MACROH2A2: variants seen among roughly 807,000 people sequenced by gnomAD.
MACROH2A2 encodes macroH2A.2 histone, also known as core histone macro-H2A.2.
MACROH2A2 carries 6 observed loss-of-function variants against 37.6 expected under a neutral mutation model. That is an observed-to-expected ratio of 0.16 (90% confidence interval 0.09 to 0.32). The LOEUF is 0.32. MACROH2A2 is among the 10% of genes least tolerant of loss of function. The pLI is 1.00. For missense variants in MACROH2A2, 290 were observed against 485.9 expected (o/e 0.60, Z 3.79); for synonymous variants, 192 against 202.7 (o/e 0.95, Z 0.45).
chr10:70,085,665 C>A (rs760690043), intron 2 of MACROH2A2, among the ~76,000 whole-genome samples: 2 of 152,162 alleles, frequency 1.3e-5, no homozygotes, highest in Non-Finnish European at 2.9e-5. Context: ...TAAAGAAATT[C>A]TTTTTACTGC....
At chr10:70,082,035 T>C (rs148780627) in intron 2 of MACROH2A2, among the ~76,000 whole-genome samples, 1,844 of 152,286 alleles carry the variant, frequency 0.012, 21 homozygotes, top group Non-Finnish European at 0.02. Flanking sequence ...CCACTGTGGA[T>C]AACAGTTTGA....
At chr10:70,067,944 T>C (rs957323227) in intron 1 of MACROH2A2, among the ~76,000 whole-genome samples, 1 of 152,150 alleles carries the variant, frequency 6.6e-6, no homozygotes, top group African/African-American at 2.4e-5. Flanking sequence ...AGAGACTGTC[T>C]AAAAATGAAA....
intron 4 of MACROH2A2, among the ~76,000 whole-genome samples, chr10:70,092,379 G>A (rs1286105197): frequency 6.6e-6 from 1 of 152,152 alleles, no homozygotes; most frequent in Non-Finnish European, 1.5e-5. Flanking sequence ...GCTGCAGTGA[G>A]CCATGATGGC....
In MACROH2A2 at chr10:70,111,734, G is replaced by T. The variant is rs765685107; in HGVS notation, c.*51G>T. The T allele has an allele frequency of 6.3e-5, 94 of 1,483,866 alleles. No homozygotes were observed. Among genetic ancestry groups the T allele is most frequent in the Non-Finnish European group, 8.4e-5 (93 of 1,110,092 alleles). 91.9% of individuals were successfully genotyped at this position (1,483,866 alleles called of 1,614,324 possible). ...GAGGACGACCCGAGTCCCAAGAGTG[G>T]GGTTTTGCTTTTTAAAAGGAGAGAG... On this transcript the variant is annotated 3_prime_UTR_variant, in exon 9 of 9. Transcript: ENST00000373255.
intron 2 of MACROH2A2, among the ~76,000 whole-genome samples, chr10:70,089,619 C>T (rs1234844006): frequency 1.3e-5 from 2 of 152,018 alleles, no homozygotes; most frequent in Middle Eastern, 3.2e-3. Context: ...AAGTCCTGTA[C>T]CAAGGAAGAA....
At chr10:70,058,679 G>A (rs1287602284) in intron 1 of MACROH2A2, among the ~76,000 whole-genome samples, 1 of 151,940 alleles carries the variant, frequency 6.6e-6, no homozygotes, top group Non-Finnish European at 1.5e-5. Context: ...TTTGTAACTT[G>A]TATTTTGCGC....
intron 3 of MACROH2A2, among the ~76,000 whole-genome samples, chr10:70,091,399 G>C (rs911444155): frequency 6.6e-6 from 1 of 152,250 alleles, no homozygotes; most frequent in African/African-American, 2.4e-5. Context: ...GTCCAGGCCA[G>C]GCACAGTGGC....
intron 5 of MACROH2A2, among the ~76,000 whole-genome samples, chr10:70,095,096 C>T (rs1589838689): frequency 6.6e-6 from 1 of 152,224 alleles, no homozygotes. Flanking sequence ...GGGCCAGGCG[C>T]GGTGGCTCAC....
At position 70,111,685 on chromosome 10, in the gene MACROH2A2, C is replaced by G; in HGVS notation, c.*2C>G. The G allele has an allele frequency of 6.2e-7, 1 of 1,602,442 alleles. No individual in the cohort carries two copies. The highest frequency in any genetic ancestry group is 8.5e-7 in the Non-Finnish European group (1 of 1,173,250). ...ATGGCCAAGCTCGACGCCAAGTAGC[C>G]GCCGCACTTTCCAGCAGGGATCGGA... On this transcript the variant is annotated 3_prime_UTR_variant, in exon 9 of 9. Transcript: ENST00000373255.
intron 8 of MACROH2A2, among the ~76,000 whole-genome samples, chr10:70,109,479 G>A (rs1238843041): frequency 6.6e-6 from 1 of 152,238 alleles, no homozygotes; most frequent in Non-Finnish European, 1.5e-5. Flanking sequence ...CCCAGGGGAG[G>A]AGCGGGAGGC....
chr10:70,109,848 T>G (rs2072359929), intron 8 of MACROH2A2, among the ~76,000 whole-genome samples: 1 of 152,184 alleles, frequency 6.6e-6, no homozygotes, highest in Non-Finnish European at 1.5e-5. Context: ...TGGGCATTGT[T>G]TCAGATACAT....
intron 1 of MACROH2A2, among the ~76,000 whole-genome samples, chr10:70,057,672 T>C (rs2072025967): frequency 6.6e-6 from 1 of 152,144 alleles, no homozygotes; most frequent in Admixed American, 6.5e-5. Flanking sequence ...GGTTTTGAAA[T>C]AGAGTGGACA....
At chr10:70,103,199 C>T (rs1245049514) in intron 7 of MACROH2A2, among the ~76,000 whole-genome samples, 1 of 152,134 alleles carries the variant, frequency 6.6e-6, no homozygotes, top group African/African-American at 2.4e-5. Context: ...ATGTTTGGCT[C>T]TACCACATCC....
chr10:70,077,731 T>C (rs1336076374), intron 2 of MACROH2A2, among the ~76,000 whole-genome samples: 1 of 151,948 alleles, frequency 6.6e-6, no homozygotes. Context: ...AATACAAAAA[T>C]AAAAATAAAA....
intron 1 of MACROH2A2, among the ~76,000 whole-genome samples, chr10:70,072,648 G>T (rs2072117162): frequency 6.6e-6 from 1 of 152,130 alleles, no homozygotes; most frequent in African/African-American, 2.4e-5. Flanking sequence ...AAGGCATTGT[G>T]CTACACCGTT....
At chr10:70,055,218 T>G (rs2072007634) in intron 1 of MACROH2A2, among the ~76,000 whole-genome samples, 1 of 152,218 alleles carries the variant, frequency 6.6e-6, no homozygotes, top group African/African-American at 2.4e-5. Flanking sequence ...AAGGTATCTG[T>G]AACTTGTTAC....
At position 70,107,265 on chromosome 10, in the gene MACROH2A2, G is replaced by A. The variant is rs1201829287; in HGVS notation, c.779-1768G>A. Among the ~76,000 whole-genome samples, 2 of 152,172 alleles carry A rather than the reference G, an allele frequency of 1.3e-5. No homozygotes were observed. Among genetic ancestry groups the A allele is most frequent in the Admixed American group, 6.5e-5 (1 of 15,278 alleles). On this transcript the variant is annotated intron_variant, in intron 7 of 8. Transcript: ENST00000373255. This position sits in a 1 kb window ranked among gnomAD's most constrained non-coding sequence, Gnocchi z 4.4. ...TTGGATTTGGCTTCTACCCATGTGA[G>A]GAAGTGCAGTCAGCACTTCCCTGAC...
At chr10:70,089,679 A>G (rs1386558594) in intron 2 of MACROH2A2, among the ~76,000 whole-genome samples, 1 of 152,232 alleles carries the variant, frequency 6.6e-6, no homozygotes, top group Non-Finnish European at 1.5e-5. Flanking sequence ...GCTTTGCCAC[A>G]GGATCGGATA....
intron 4 of MACROH2A2, among the ~76,000 whole-genome samples, chr10:70,093,028 G>A (rs2072255558): frequency 6.6e-6 from 1 of 151,776 alleles, no homozygotes; most frequent in African/African-American, 2.4e-5. Flanking sequence ...AGAGACAGGG[G>A]TCTCACTCTG....
Sources: allele counts gnomAD v4.1 joint callset (sites outside exome capture counted in the v4.1 genomes callset), GRCh38; gene constraint gnomAD v4.1.1; non-coding constraint Gnocchi (gnomAD v3.1); transcripts MANE v1.5; gene names NCBI Gene and HGNC (gene_info 2026-07-23, HGNC 2026-07-21).